Variants in PDE5A observed in about 807,000 individuals in gnomAD.
PDE5A encodes the protein phosphodiesterase 5A, also known as cGMP-specific 3',5'-cyclic phosphodiesterase.
PDE5A carries 67 observed loss-of-function variants against 110.2 expected under a neutral mutation model. The observed-to-expected ratio is 0.61, with a 90% CI of 0.50 to 0.75. PDE5A has a LOEUF of 0.75. Among genes scored for constraint, PDE5A ranks in the 30% least tolerant of loss-of-function variants. PDE5A has a pLI of 0.00. For synonymous variants in PDE5A, 328 were observed against 351.2 expected (o/e 0.93, Z 0.74); for missense variants, 862 against 1,045.1 (o/e 0.82, Z 2.42).
At chr4:119,597,582 C>A (rs1204616747) in intron 2 of PDE5A, among the ~76,000 whole-genome samples, 3 of 152,046 alleles carry the variant, frequency 2.0e-5, no homozygotes, top group Non-Finnish European at 2.9e-5. Flanking sequence ...CCCTTCAAAG[C>A]GATAGCCTTG....
chr4:119,558,322 G>A (rs1727614372), intron 7 of PDE5A, among the ~76,000 whole-genome samples: 1 of 152,132 alleles, frequency 6.6e-6, no homozygotes, highest in Non-Finnish European at 1.5e-5. Flanking sequence ...ATTAATTTAT[G>A]AGGTCATTAG....
intron 7 of PDE5A, among the ~76,000 whole-genome samples, chr4:119,558,679 G>A (rs989266540): frequency 1.3e-5 from 2 of 151,960 alleles, no homozygotes; most frequent in African/African-American, 4.8e-5. Flanking sequence ...AAATCTCAGA[G>A]GCCTTTTACT....
rs557459005 is a variant in PDE5A, at chr4:119,496,208, A to T, written c.*2393T>A. The T allele has an allele frequency of 6.6e-6, 1 of 152,268 alleles. No individual in the cohort carries two copies. Among genetic ancestry groups the T allele is most frequent in the Admixed American group, 6.5e-5 (1 of 15,282 alleles). 9.4% of individuals were successfully genotyped at this position (152,268 alleles called of 1,614,324 possible). A position where few individuals can be genotyped will look rare whatever the true frequency, so the allele number is the denominator to read the frequency against. ...CTCTGTTATAACTAAACAAACAAAA[A>T]ATCTAGAACAAGAACTTCTTGCTAG... On this transcript the variant is annotated 3_prime_UTR_variant, in exon 21 of 21. Transcript: ENST00000354960.
At chr4:119,509,942 A>G (rs201206384) in intron 15 of PDE5A, among the ~76,000 whole-genome samples, 1 of 151,794 alleles carries the variant, frequency 6.6e-6, no homozygotes, top group Admixed American at 6.6e-5. Flanking sequence ...AAAGTCTAAA[A>G]GCAAGGCACT....
Position 119,533,155 on chromosome 4 carries a change from A to C in PDE5A, c.1632+5805T>G, listed in dbSNP as rs555618980. Among the ~76,000 whole-genome samples the C allele has an allele frequency of 1.4e-4, 22 of 152,274 alleles. No individual in the cohort carries two copies. In the South Asian group the frequency reaches 4.1e-3, roughly 29 times the overall value. On this transcript the variant is annotated intron_variant, in intron 11 of 20. Transcript: ENST00000354960. ...CAATATAAATGGTCCACAGGAAAAA[A>C]GGTTTCAATCTCAATAATCCATTTT...
At chr4:119,548,481 T>C (rs1727220329) in intron 9 of PDE5A, 1 of 152,220 alleles carries the variant, frequency 6.6e-6, no homozygotes, top group African/African-American at 2.4e-5. Context: ...TTACATTATG[T>C]TTTACCATAA....
chr4:119,618,385 C>T (rs1730016572), intron 1 of PDE5A, among the ~76,000 whole-genome samples: 2 of 151,624 alleles, frequency 1.3e-5, no homozygotes, highest in South Asian at 4.2e-4. Context: ...TTCCTAAGCC[C>T]CTAATTTAAA....
At chr4:119,502,096 G>A (rs1469952763) in intron 19 of PDE5A, among the ~76,000 whole-genome samples, 1 of 151,992 alleles carries the variant, frequency 6.6e-6, no homozygotes, top group African/African-American at 2.4e-5. Flanking sequence ...GTTTCTTTTG[G>A]TATCTCTCCT....
At chr4:119,581,844 C>A (rs1453263727) in intron 3 of PDE5A, among the ~76,000 whole-genome samples, 3 of 152,202 alleles carry the variant, frequency 2.0e-5, no homozygotes, top group Non-Finnish European at 1.5e-5. Context: ...TGTGCAATAG[C>A]ACTATGTCTA....
In PDE5A at chr4:119,538,769, T is replaced by C. The variant is rs1010998285; in HGVS notation, c.1632+191A>G. The C allele has an allele frequency of 1.1e-5, 6 of 539,826 alleles. No homozygotes were observed. The African/African-American group carries it at 1.1e-4, about 10-fold the overall frequency. 33.4% of individuals were successfully genotyped at this position (539,826 alleles called of 1,614,324 possible). A position where few individuals can be genotyped will look rare whatever the true frequency, so the allele number is the denominator to read the frequency against. On this transcript the variant is annotated intron_variant, in intron 11 of 20. Coordinates refer to ENST00000354960, the MANE Select transcript of PDE5A (RefSeq NM_001083.4). Reference sequence around the variant, plus strand: ...AATTACTGGAAAACAAATATCAGAATCATACACTATATTACACAGTCAGTA... The same window carrying C: ...AATTACTGGAAAACAAATATCAGAACCATACACTATATTACACAGTCAGTA...
chr4:119,501,087 C>T (rs748985929), intron 20 of PDE5A, 83 bp downstream of exon 20: 89 of 774,384 alleles, frequency 1.1e-4, no homozygotes, highest in Non-Finnish European at 1.7e-4. Flanking sequence ...AAAATATAGG[C>T]GCCTAATATT....
intron 3 of PDE5A, among the ~76,000 whole-genome samples, chr4:119,591,340 T>A (rs1378506479): frequency 2.0e-5 from 3 of 152,210 alleles, no homozygotes; most frequent in Admixed American, 6.5e-5. Context: ...ATCTTCCCAA[T>A]AACCCTTTAA....
intron 18 of PDE5A, 87 bp from the exon 19 acceptor site, chr4:119,502,742 C>T: frequency 1.3e-6 from 1 of 791,628 alleles, no homozygotes; most frequent in South Asian, 1.5e-5. Flanking sequence ...CTGTTAGGAG[C>T]TGTATATCTC....
At chr4:119,558,223 C>A (rs961923014) in intron 7 of PDE5A, among the ~76,000 whole-genome samples, 1 of 152,112 alleles carries the variant, frequency 6.6e-6, no homozygotes, top group Non-Finnish European at 1.5e-5. Context: ...ATGCTTTATC[C>A]CTTTTATGAT....
At chr4:119,544,236 TTTTG>T (rs1459308863) in intron 9 of PDE5A, among the ~76,000 whole-genome samples, 18 of 152,224 alleles carry the variant, frequency 1.2e-4, no homozygotes, top group Non-Finnish European at 1.2e-4. Flanking sequence ...TTTTTGCTCT[TTTTG>T]TTTGTTTATC....
chr4:119,576,104 T>A (rs187920669), intron 3 of PDE5A, among the ~76,000 whole-genome samples: 1 of 151,652 alleles, frequency 6.6e-6, no homozygotes, highest in African/African-American at 2.4e-5. Flanking sequence ...CATTACATAA[T>A]GGTAAAGGGA....
At chr4:119,589,632 T>C (rs1455039623) in intron 3 of PDE5A, among the ~76,000 whole-genome samples, 1 of 152,168 alleles carries the variant, frequency 6.6e-6, no homozygotes, top group Non-Finnish European at 1.5e-5. Flanking sequence ...TTTTTCATTA[T>C]GCTTCATTTG....
chr4:119,582,484 T>A (rs759298123), intron 3 of PDE5A, among the ~76,000 whole-genome samples: 7 of 152,156 alleles, frequency 4.6e-5, no homozygotes, highest in Non-Finnish European at 1.0e-4. Context: ...TCTTCCAAAT[T>A]CCTGTTCATG....
At chr4:119,556,241 T>G (rs1424360159) in intron 7 of PDE5A, among the ~76,000 whole-genome samples, 1 of 152,232 alleles carries the variant, frequency 6.6e-6, no homozygotes, top group African/African-American at 2.4e-5. Context: ...GCCATCTGGC[T>G]AAGTTCTAGA....
Sources: allele counts gnomAD v4.1 joint callset (sites outside exome capture counted in the v4.1 genomes callset), GRCh38; gene constraint gnomAD v4.1.1; transcripts MANE v1.5; gene names NCBI Gene and HGNC (gene_info 2026-07-23, HGNC 2026-07-21).